The following KIF26B variants were observed in gnomAD, a reference collection of about 807,000 sequenced individuals.
The protein encoded by KIF26B is kinesin-like protein KIF26B.
A neutral mutation model predicts 151.2 loss-of-function variants in KIF26B; 63 were observed. The ratio of observed to expected loss-of-function variants is 0.42; its 90% CI spans 0.34 to 0.51. KIF26B has a LOEUF of 0.51. Ranked by LOEUF, KIF26B falls within the 20% of genes least tolerant of loss-of-function variation. KIF26B has a pLI of 0.07. For synonymous variants in KIF26B, 1,357 were observed against 1,262.1 expected (o/e 1.08, Z -1.59); for missense variants, 2,813 against 2,913.6 (o/e 0.97, Z 0.79).
At position 245,193,139 on chromosome 1, in the gene KIF26B, G is replaced by A. The variant is rs374519959; in HGVS notation, c.465+36456G>A. On this transcript the variant is annotated intron_variant, in intron 2 of 14. Transcript: ENST00000407071. ...CTCCCACTTATAATTGAGAACACAC[G>A]GTATTTGGTTTTCTGTTCCTGTGTT... Among the ~76,000 whole-genome samples the A allele has an allele frequency of 1.5e-3, 222 of 152,292 alleles. 1 individual carries two copies. The highest frequency in any genetic ancestry group is 8.9e-3 in the South Asian group (43 of 4,834).
chr1:245,692,465 G>A (rs2044638269), intron 12 of KIF26B, among the ~76,000 whole-genome samples: 1 of 152,140 alleles, frequency 6.6e-6, no homozygotes, highest in South Asian at 2.1e-4. Flanking sequence ...CATCGGGACA[G>A]GCAGAGAGGG....
intron 2 of KIF26B, among the ~76,000 whole-genome samples, chr1:245,262,583 T>G (rs1670667829): frequency 6.6e-6 from 1 of 152,136 alleles, no homozygotes; most frequent in Non-Finnish European, 1.5e-5. Flanking sequence ...GGCTCCCGAA[T>G]AGCTGGGATT....
At chr1:245,384,086 G>A (rs1420825803) in intron 3 of KIF26B, among the ~76,000 whole-genome samples, 2 of 152,124 alleles carry the variant, frequency 1.3e-5, no homozygotes, top group East Asian at 1.9e-4. Context: ...AACTGAAGTC[G>A]CACGCTGCTC....
At position 245,611,918 on chromosome 1, in the gene KIF26B, C is replaced by T. The variant is rs374184320; in HGVS notation, c.2040C>T (p.His680=). ...DCDEDDHRNS[H]VFFTLHIYQY... is the part of the protein sequence containing the mutation. ...ATGAGGACGACCACCGCAACTCACA[C>T]GTGTTCTTCACACTGCACATCTACC... Residue 680 remains histidine, a synonymous_variant, in exon 9 of 15, where the codon CAC becomes CAT. Transcript: ENST00000407071. 33 of 1,613,762 alleles carry T rather than the reference C, an allele frequency of 2.0e-5. No individual in the cohort carries two copies. The East Asian group carries it at 4.5e-4, about 22-fold the overall frequency.
chr1:245,257,624 C>G (rs1453957278), intron 2 of KIF26B, among the ~76,000 whole-genome samples: 1 of 152,150 alleles, frequency 6.6e-6, no homozygotes, highest in Non-Finnish European at 1.5e-5. Flanking sequence ...TGGAGGAAGG[C>G]TGGACAGGAG....
intron 2 of KIF26B, among the ~76,000 whole-genome samples, chr1:245,195,708 C>T (rs1669180271): frequency 6.6e-6 from 1 of 152,122 alleles, no homozygotes; most frequent in Non-Finnish European, 1.5e-5. Flanking sequence ...TGTTTTTCCG[C>T]CAAACACCGA....
intron 2 of KIF26B, among the ~76,000 whole-genome samples, chr1:245,271,472 C>T (rs1020922800): frequency 6.6e-6 from 1 of 151,532 alleles, no homozygotes; most frequent in African/African-American, 2.4e-5. Flanking sequence ...AATCCATGTA[C>T]ATAGGATGTT....
chr1:245,528,332 G>C (rs112086315), intron 4 of KIF26B, among the ~76,000 whole-genome samples: 2,581 of 152,262 alleles, frequency 0.017, 74 homozygotes, highest in African/African-American at 0.058. Flanking sequence ...GGTGCACGGC[G>C]GCTGTCAGGA....
At chr1:245,558,879 T>C (rs1715780) in intron 5 of KIF26B, among the ~76,000 whole-genome samples, 42,393 of 152,138 alleles carry the variant, frequency 0.28, 6,060 homozygotes, top group Non-Finnish European at 0.29. Context: ...AGTGACTGAA[T>C]GCATTTTTCT....
chr1:245,683,953 T>C (rs1433709419), intron 10 of KIF26B, among the ~76,000 whole-genome samples: 1 of 152,172 alleles, frequency 6.6e-6, no homozygotes, highest in Non-Finnish European at 1.5e-5. Flanking sequence ...ATGTATAATG[T>C]CACAGACACA....
intron 10 of KIF26B, among the ~76,000 whole-genome samples, chr1:245,651,687 G>A (rs1004083521): frequency 6.6e-6 from 1 of 152,192 alleles, no homozygotes; most frequent in Non-Finnish European, 1.5e-5. Context: ...CCTGAGGGCT[G>A]TTGGCTGTCT....
intron 2 of KIF26B, among the ~76,000 whole-genome samples, chr1:245,263,049 C>G (rs1345513831): frequency 2.0e-5 from 3 of 152,234 alleles, no homozygotes; most frequent in East Asian, 1.9e-4. Context: ...TTCAGTGATT[C>G]ATGGCGGGGT....
intron 2 of KIF26B, among the ~76,000 whole-genome samples, chr1:245,264,630 C>T (rs1395808455): frequency 2.6e-5 from 4 of 152,118 alleles, no homozygotes; most frequent in Non-Finnish European, 5.9e-5. Context: ...TGCCGTGGCT[C>T]ACGCCTGTAA....
intron 5 of KIF26B, among the ~76,000 whole-genome samples, chr1:245,561,258 G>A (rs2042945562): frequency 6.6e-6 from 1 of 152,208 alleles, no homozygotes; most frequent in African/African-American, 2.4e-5. Flanking sequence ...AAGTAGGTGG[G>A]TGGGTGAGAC....
chr1:245,416,220 C>A (rs1316069644), intron 3 of KIF26B, among the ~76,000 whole-genome samples: 2 of 132,814 alleles, frequency 1.5e-5, no homozygotes, highest in Admixed American at 1.6e-4. Context: ...GCGGAGGTTG[C>A]AGTGAGCTGA....
chr1:245,515,304 A>T (rs1464768375), intron 4 of KIF26B, among the ~76,000 whole-genome samples: 2 of 152,020 alleles, frequency 1.3e-5, no homozygotes, highest in Non-Finnish European at 2.9e-5. Flanking sequence ...CTCCTCTGCC[A>T]TCCTATGGCA....
Position 245,366,883 on chromosome 1 carries a change from C to T in KIF26B, c.515C>T (p.Thr172Ile). The T allele has an allele frequency of 6.2e-7, 1 of 1,614,050 alleles. No homozygotes were observed. The highest frequency in any genetic ancestry group is 8.5e-7 in the Non-Finnish European group (1 of 1,179,904). Residue 172 changes from threonine (T) to isoleucine (I), a missense_variant, in exon 3 of 15, where the codon ACC (threonine) becomes ATC (isoleucine). Around this residue, in one of 3 missense-constraint regions of KIF26B, gnomAD observed 676 missense variants for 688.1 expected, o/e 0.98. Coordinates refer to ENST00000407071, the MANE Select transcript of KIF26B (RefSeq NM_018012.4). ...VIHDKLQVPN[T>I]IRKAWNDRDN... ...CACGACAAACTCCAGGTCCCCAACA[C>T]CATCCGGAAGGCATGGAACGACCGG...
At chr1:245,162,080 C>T (rs551610133) in intron 2 of KIF26B, among the ~76,000 whole-genome samples, 2 of 152,322 alleles carry the variant, frequency 1.3e-5, no homozygotes, top group African/African-American at 4.8e-5. Flanking sequence ...TGACCTTCTG[C>T]GAGGAAGAGT....
intron 4 of KIF26B, among the ~76,000 whole-genome samples, chr1:245,500,622 G>T (rs1660601585): frequency 6.6e-6 from 1 of 152,170 alleles, no homozygotes; most frequent in African/African-American, 2.4e-5. Flanking sequence ...ACTGACTGAG[G>T]GTTCCTTCCA....
Sources: gnomAD v4.1 joint callset for allele counts (sites outside exome capture counted in the v4.1 genomes callset) on GRCh38, gnomAD v4.1.1 for gene constraint, gnomAD v4.1.1 regional missense constraint, MANE v1.5 for transcripts, NCBI Gene and HGNC (gene_info 2026-07-23, HGNC 2026-07-21) for gene names.